DIAPH3: variants seen among roughly 807,000 people sequenced by gnomAD.
DIAPH3 encodes the protein diaphanous related formin 3, also known as protein diaphanous homolog 3.
Under a neutral mutation model 144.3 loss-of-function variants are expected in DIAPH3, and 117 were observed. The observed-to-expected ratio is 0.81, with a 90% CI of 0.70 to 0.95. The LOEUF is 0.95. Among genes scored for constraint, DIAPH3 ranks in the 40% least tolerant of loss-of-function variants. The pLI is 0.00. For synonymous variants in DIAPH3, 519 were observed against 488.9 expected (o/e 1.06, Z -0.81); for missense variants, 1,421 against 1,412.7 (o/e 1.01, Z -0.09).
chr13:59,844,377 G>A (rs947780079), intron 22 of DIAPH3, among the ~76,000 whole-genome samples: 3 of 151,684 alleles, frequency 2.0e-5, no homozygotes, highest in Non-Finnish European at 4.4e-5. Flanking sequence ...GGTGGCGAGC[G>A]CCTGTAGTCC....
intron 27 of DIAPH3, among the ~76,000 whole-genome samples, chr13:59,711,718 G>T (rs2034755963): frequency 6.6e-6 from 1 of 152,186 alleles, no homozygotes; most frequent in Non-Finnish European, 1.5e-5. Flanking sequence ...TTTGGCCTAT[G>T]TTCCTATATT....
chr13:60,121,206 A>C (rs2058835392), intron 2 of DIAPH3, among the ~76,000 whole-genome samples: 1 of 151,188 alleles, frequency 6.6e-6, no homozygotes, highest in South Asian at 2.1e-4. Flanking sequence ...GCCAAATACT[A>C]CTGTGGGTTT....
At chr13:59,716,267 C>T (rs2035050649) in intron 27 of DIAPH3, among the ~76,000 whole-genome samples, 1 of 152,154 alleles carries the variant, frequency 6.6e-6, no homozygotes, top group Non-Finnish European at 1.5e-5. Context: ...GCTCCGCCTC[C>T]CGGGTTCACG....
chr13:59,680,666 G>A (rs996317456), intron 27 of DIAPH3, among the ~76,000 whole-genome samples: 2 of 151,628 alleles, frequency 1.3e-5, no homozygotes, highest in African/African-American at 4.9e-5. Flanking sequence ...ATTTGATGGG[G>A]CATTATAGTT....
chr13:59,878,574 C>A (rs879389734), intron 21 of DIAPH3, among the ~76,000 whole-genome samples: 1 of 152,010 alleles, frequency 6.6e-6, no homozygotes, highest in Non-Finnish European at 1.5e-5. Context: ...ATTACTATGG[C>A]CCACTCCTCA....
At chr13:59,918,665 C>T (rs1343282298) in intron 18 of DIAPH3, among the ~76,000 whole-genome samples, 3 of 152,060 alleles carry the variant, frequency 2.0e-5, no homozygotes, top group Non-Finnish European at 4.4e-5. Context: ...CAACAGCAAC[C>T]CATACCAGAT....
At chr13:60,041,995 C>G (rs1431072235) in intron 5 of DIAPH3, among the ~76,000 whole-genome samples, 2 of 152,054 alleles carry the variant, frequency 1.3e-5, no homozygotes, top group African/African-American at 2.4e-5. Flanking sequence ...TTTAACAAGT[C>G]TGTCTCCTAC....
chr13:59,759,948 A>AAAACAAAC lies in DIAPH3; in HGVS notation c.3319+14233_3319+14240dup, dbSNP rs10636836. ...GGGAGACAGTGTGAGACTCCATCTC[A>AAAACAAAC]AAACAAACAAACAAACAAACAAACA... is the stretch of plus-strand genomic sequence containing the variant. On this transcript the variant is annotated intron_variant, in intron 27 of 27. Transcript: ENST00000400324. Among the ~76,000 whole-genome samples, 1,437 of 150,118 alleles carry AAAACAAAC rather than the reference A, an allele frequency of 9.6e-3. 13 individuals carry two copies. Among genetic ancestry groups the AAAACAAAC allele is most frequent in the African/African-American group, 0.016 (640 of 40,596 alleles).
rs563840270 is a variant in DIAPH3 at position 59,929,645 on chromosome 13, C to G, written c.2075-4775G>C. Among the ~76,000 whole-genome samples, 279 of 147,078 alleles carry G rather than the reference C, an allele frequency of 1.9e-3. 1 individual carries two copies. The highest frequency in any genetic ancestry group is 3.3e-3 in the Non-Finnish European group (221 of 66,862). ...CGGTGTGATCTCGGCTCACTGCAAC[C>G]TCCGCCTCCCAGGTTCAAGCAATTC... On this transcript the variant is annotated intron_variant, in intron 17 of 27. Coordinates refer to ENST00000400324, the MANE Select transcript of DIAPH3 (RefSeq NM_001042517.2).
intron 23 of DIAPH3, chr13:59,839,058 C>A (rs778703863): frequency 1.8e-5 from 6 of 327,574 alleles, no homozygotes; most frequent in Non-Finnish European, 2.9e-5. Context: ...TTGCAGTGAG[C>A]CAAGATCATG....
At chr13:59,765,162 GCTAAA>G (rs550469524) in intron 27 of DIAPH3, among the ~76,000 whole-genome samples, 32 of 152,128 alleles carry the variant, frequency 2.1e-4, no homozygotes, top group East Asian at 5.8e-4. Flanking sequence ...ACTTTTTTCT[GCTAAA>G]CTAGTTTATA....
chr13:59,819,202 T>C (rs939380575), intron 24 of DIAPH3, among the ~76,000 whole-genome samples: 1 of 151,944 alleles, frequency 6.6e-6, no homozygotes, highest in South Asian at 2.1e-4. Flanking sequence ...TGAATAACTT[T>C]AATTTGCTTT....
rs372467541 is a variant in DIAPH3 at position 59,670,183 on chromosome 13, G to T, written c.3320-3337C>A. Among the ~76,000 whole-genome samples the T allele has an allele frequency of 8.5e-5, 13 of 152,290 alleles. No individual in the cohort carries two copies. The East Asian group carries it at 1.9e-3, about 23-fold the overall frequency. ...AAATGATAAGAGAAAAACTAAGATG[G>T]TATTTATCTCCTCTGTGGTTTCAGG... On this transcript the variant is annotated intron_variant, in intron 27 of 27. Transcript: ENST00000400324.
At chr13:59,915,379 T>A (rs2047178342) in intron 19 of DIAPH3, among the ~76,000 whole-genome samples, 1 of 152,142 alleles carries the variant, frequency 6.6e-6, no homozygotes, top group Non-Finnish European at 1.5e-5. Context: ...ATTTATTGAT[T>A]AGTTAAAATA....
At chr13:59,726,372 T>C (rs1160353957) in intron 27 of DIAPH3, among the ~76,000 whole-genome samples, 1 of 152,198 alleles carries the variant, frequency 6.6e-6, no homozygotes, top group East Asian at 1.9e-4. Flanking sequence ...TATTCACAGA[T>C]AGAACCAGTT....
At chr13:59,926,665 A>G (rs1017864645) in intron 17 of DIAPH3, among the ~76,000 whole-genome samples, 5 of 152,190 alleles carry the variant, frequency 3.3e-5, no homozygotes, top group African/African-American at 1.2e-4. Context: ...GTTGATTTCT[A>G]GTGTTACTCC....
At chr13:59,849,817 A>C (rs1182389208) in intron 22 of DIAPH3, among the ~76,000 whole-genome samples, 2 of 124,934 alleles carry the variant, frequency 1.6e-5, no homozygotes, top group African/African-American at 6.0e-5. Flanking sequence ...TTTTGGTTCC[A>C]TATGAACTTT....
intron 20 of DIAPH3, among the ~76,000 whole-genome samples, chr13:59,902,520 T>A (rs1566491657): frequency 6.6e-6 from 1 of 152,176 alleles, no homozygotes; most frequent in Non-Finnish European, 1.5e-5. Context: ...TTCTTTATAG[T>A]CCTAGCACTT....
chr13:60,162,809 TCACACA>T (rs35687460), intron 1 of DIAPH3, among the ~76,000 whole-genome samples: 113 of 122,518 alleles, frequency 9.2e-4, no homozygotes, highest in Admixed American at 1.6e-3. Context: ...TCTCTCTCTC[TCACACA>T]CACACACACA....
Sources: allele counts gnomAD v4.1 joint callset (sites outside exome capture counted in the v4.1 genomes callset), GRCh38; gene constraint gnomAD v4.1.1; transcripts MANE v1.5; gene names NCBI Gene and HGNC (gene_info 2026-07-23, HGNC 2026-07-21).